DLG2: variants seen among roughly 807,000 people sequenced by gnomAD.
DLG2 encodes disks large homolog 2.
Under a neutral mutation model 132.5 loss-of-function variants are expected in DLG2, and 45 were observed. That is an observed-to-expected ratio of 0.34 (90% CI 0.27 to 0.44). The LOEUF (loss-of-function observed/expected upper bound fraction) is 0.44, where lower values mean the gene tolerates loss of function less well. DLG2 is among the 20% of genes least tolerant of loss of function. The pLI is 1.00. For missense variants in DLG2, 1,045 were observed against 1,196.9 expected (o/e 0.87, Z 1.87); for synonymous variants, 424 against 419.6 (o/e 1.01, Z -0.13).
At chr11:84,245,066 G>GT (rs2097284798) in intron 8 of DLG2, among the ~76,000 whole-genome samples, 1 of 152,140 alleles carries the variant, frequency 6.6e-6, no homozygotes. Context: ...CCTGATGCTG[G>GT]TATCAATCAG....
intron 3 of DLG2, among the ~76,000 whole-genome samples, chr11:85,468,067 A>T (rs955411161): frequency 5.9e-5 from 9 of 152,062 alleles, no homozygotes; most frequent in African/African-American, 2.2e-4. Flanking sequence ...GAATTTAGCC[A>T]TTTCTTCTAG....
intron 4 of DLG2, among the ~76,000 whole-genome samples, chr11:85,255,156 T>G (rs571375697): frequency 5.6e-4 from 85 of 152,264 alleles, no homozygotes; most frequent in African/African-American, 1.9e-3. Flanking sequence ...TCAAGCACAT[T>G]TCATACAACT....
chr11:83,838,534 C>T (rs1022383604), intron 16 of DLG2, among the ~76,000 whole-genome samples: 1 of 152,130 alleles, frequency 6.6e-6, no homozygotes, highest in African/African-American at 2.4e-5. Flanking sequence ...AGATTGCAAA[C>T]CAGCAAGTCA....
At chr11:83,878,058 C>G (rs901789198) in intron 15 of DLG2, among the ~76,000 whole-genome samples, 1 of 152,198 alleles carries the variant, frequency 6.6e-6, no homozygotes, top group Non-Finnish European at 1.5e-5. Context: ...ATTCTGAGAA[C>G]TGTTGTAGAA....
intron 6 of DLG2, among the ~76,000 whole-genome samples, chr11:84,711,329 TAAGA>T (rs2060392619): frequency 4.7e-5 from 2 of 42,296 alleles, no homozygotes; most frequent in African/African-American, 6.5e-5. Flanking sequence ...ACAGAACCAG[TAAGA>T]GAGAGAGAGA....
intron 6 of DLG2, among the ~76,000 whole-genome samples, chr11:85,053,829 G>A (rs982915840): frequency 6.7e-6 from 1 of 148,302 alleles, no homozygotes; most frequent in African/African-American, 2.5e-5. Flanking sequence ...AATTCATGGT[G>A]AGTACAAAAG....
At chr11:83,674,155 C>A (rs2077299613) in intron 18 of DLG2, among the ~76,000 whole-genome samples, 1 of 152,174 alleles carries the variant, frequency 6.6e-6, no homozygotes. Context: ...GCTTTAGTTG[C>A]TCAATCATGG....
At chr11:84,408,891 G>A (rs1006292072) in intron 7 of DLG2, among the ~76,000 whole-genome samples, 1 of 152,056 alleles carries the variant, frequency 6.6e-6, no homozygotes, top group Non-Finnish European at 1.5e-5. Flanking sequence ...CTACAGCAAG[G>A]CCCTTGCTCA....
At chr11:84,327,363 G>A (rs1288755324) in intron 7 of DLG2, among the ~76,000 whole-genome samples, 1 of 152,080 alleles carries the variant, frequency 6.6e-6, no homozygotes, top group Admixed American at 6.5e-5. Context: ...GATTGCAGTT[G>A]TGAGACACCG....
chr11:84,718,761 A>C (rs1341291908), intron 6 of DLG2, among the ~76,000 whole-genome samples: 1 of 152,190 alleles, frequency 6.6e-6, no homozygotes, highest in Non-Finnish European at 1.5e-5. Context: ...TAGGGGTGGC[A>C]GGTTGTATGG....
At chr11:85,518,359 TG>T (rs2094210814) in intron 3 of DLG2, among the ~76,000 whole-genome samples, 1 of 152,202 alleles carries the variant, frequency 6.6e-6, no homozygotes, top group African/African-American at 2.4e-5. Context: ...ATGAGGAACT[TG>T]TTGGGAACTG....
At position 83,466,811 on chromosome 11, in the gene DLG2, G is replaced by A; in HGVS notation, c.2626C>T (p.His876Tyr). The A allele has an allele frequency of 6.2e-7, 1 of 1,608,856 alleles. No homozygotes were observed. Among genetic ancestry groups the A allele is most frequent in the Non-Finnish European group, 8.5e-7 (1 of 1,175,334 alleles). ...TTTCCTGATACATCAAGTATACAGT[G>A]TTTGCCCTGGTAGAAAGAGAAGAAA... is the stretch of plus-strand genomic sequence containing the variant. ...SVRFVAERGK[H>Y]CILDVSGNAI... is the part of the protein sequence containing the mutation. The change falls in exon 26 of 28, where the codon CAC becomes TAC. Residue 876 changes from histidine (H) to tyrosine (Y), a missense_variant. By Grantham distance (83) the His-to-Tyr change is moderately conservative. Coordinates refer to ENST00000376104, the MANE Select transcript of DLG2 (RefSeq NM_001142699.3).
At chr11:84,924,549 C>G (rs2092905888) in intron 6 of DLG2, among the ~76,000 whole-genome samples, 1 of 152,132 alleles carries the variant, frequency 6.6e-6, no homozygotes, top group African/African-American at 2.4e-5. Flanking sequence ...GAGGCAGCTT[C>G]AGGAGGAAGA....
chr11:84,330,281 T>C (rs1256163797), intron 7 of DLG2, among the ~76,000 whole-genome samples: 1 of 152,174 alleles, frequency 6.6e-6, no homozygotes, highest in African/African-American at 2.4e-5. Flanking sequence ...TTTCTCAAAT[T>C]ATATTTTGGG....
chr11:85,435,117 C>T (rs1460070147), intron 3 of DLG2, among the ~76,000 whole-genome samples: 3 of 152,144 alleles, frequency 2.0e-5, no homozygotes, highest in Non-Finnish European at 4.4e-5. Context: ...ATTCAACATC[C>T]CTTCACATTA....
intron 6 of DLG2, among the ~76,000 whole-genome samples, chr11:84,792,948 T>C (rs2074073204): frequency 6.6e-6 from 1 of 152,140 alleles, no homozygotes; most frequent in Non-Finnish European, 1.5e-5. Context: ...TTACTTTTCT[T>C]TTACTAATTT....
intron 18 of DLG2, among the ~76,000 whole-genome samples, chr11:83,728,031 C>T (rs951830598): frequency 1.3e-5 from 2 of 152,160 alleles, no homozygotes; most frequent in Non-Finnish European, 2.9e-5. Flanking sequence ...AATCTTCAGC[C>T]TCAAACCTCC....
chr11:85,257,531 T>C (rs1353087791), intron 4 of DLG2, among the ~76,000 whole-genome samples: 1 of 152,200 alleles, frequency 6.6e-6, no homozygotes, highest in Admixed American at 6.5e-5. Flanking sequence ...GACTTTGCCA[T>C]TGACAACAAA....
At chr11:83,910,831 T>C (rs2075909813) in intron 15 of DLG2, among the ~76,000 whole-genome samples, 1 of 152,120 alleles carries the variant, frequency 6.6e-6, no homozygotes, top group Non-Finnish European at 1.5e-5. Context: ...TTATTAAAGA[T>C]GACACACTGA....
Sources: allele counts gnomAD v4.1 joint callset (sites outside exome capture counted in the v4.1 genomes callset), GRCh38; gene constraint gnomAD v4.1.1; transcripts MANE v1.5; gene names NCBI Gene and HGNC (gene_info 2026-07-23, HGNC 2026-07-21).